Variants in MRPS9 observed in about 807,000 individuals in gnomAD.
MRPS9 encodes the protein mitochondrial ribosomal protein S9, also known as small ribosomal subunit protein uS9m.
Under a neutral mutation model 59.9 loss-of-function variants are expected in MRPS9, and 45 were observed. That is an observed-to-expected ratio of 0.75 (90% CI 0.59 to 0.96). MRPS9 has a LOEUF of 0.96. Ranked by LOEUF, MRPS9 falls within the 40% of genes least tolerant of loss-of-function variation. MRPS9 has a pLI of 0.00. For synonymous variants in MRPS9, 171 were observed against 166.8 expected (o/e 1.03, Z -0.19); for missense variants, 473 against 481.1 (o/e 0.98, Z 0.16).
intron 2 of MRPS9, among the ~76,000 whole-genome samples, chr2:105,062,442 C>T (rs79588096): frequency 0.052 from 7,959 of 152,240 alleles, 386 homozygotes; most frequent in East Asian, 0.27. Context: ...TACTGAAACA[C>T]TGCTTCCAGC....
In MRPS9 at chr2:105,038,194, G is replaced by A; in HGVS notation, c.102G>A (p.Ala34=). The A allele has an allele frequency of 6.2e-7, 1 of 1,613,072 alleles. No homozygotes were observed. The highest frequency in any genetic ancestry group is 2.2e-5 in the East Asian group (1 of 44,852). The part of the protein sequence containing the change: ...LARKQGLWKT[A]APELQTNVRS... ...GGAAGCAAGGCCTCTGGAAAACCGC[G>A]GCCCCTGAGTTGCAAACAAATGTCA... is the stretch of plus-strand genomic sequence containing the variant. The change falls in exon 1 of 11, where the codon GCG becomes GCA. Residue 34 remains alanine, a synonymous_variant. Coordinates refer to ENST00000258455, the MANE Select transcript of MRPS9 (RefSeq NM_182640.3).
chr2:105,045,155 T>C (rs563748005), intron 1 of MRPS9, among the ~76,000 whole-genome samples: 7 of 152,266 alleles, frequency 4.6e-5, no homozygotes, highest in Admixed American at 3.9e-4. Context: ...GAAGAACAGA[T>C]AATTGCTGTG....
chr2:105,079,731 C>T (rs989182795), intron 4 of MRPS9, among the ~76,000 whole-genome samples: 2 of 151,924 alleles, frequency 1.3e-5, no homozygotes, highest in Non-Finnish European at 2.9e-5. Flanking sequence ...CAGAAATTCT[C>T]ATAGTGAAAT....
intron 2 of MRPS9, 119 bp from the exon 3 acceptor site, chr2:105,071,194 A>T: frequency 1.4e-6 from 1 of 730,504 alleles, no homozygotes; most frequent in East Asian, 2.7e-5. Flanking sequence ...ACATTTATGA[A>T]GTAAGATAAT....
intron 2 of MRPS9, among the ~76,000 whole-genome samples, chr2:105,052,331 A>G (rs530565519): frequency 6.6e-6 from 1 of 152,176 alleles, no homozygotes; most frequent in African/African-American, 2.4e-5. Flanking sequence ...TGTTGTGGTT[A>G]GTGTTTTTGT....
At chr2:105,058,138 AATGAACAGAGTCGTTAGGACAGGC>A (rs1232487224) in intron 2 of MRPS9, among the ~76,000 whole-genome samples, 2 of 152,208 alleles carry the variant, frequency 1.3e-5, no homozygotes, top group African/African-American at 4.8e-5. Flanking sequence ...GCTCACTTCT[AATGAACAGAGTCGTTAGGACAGGC>A]ATGTCTAAGT....
chr2:105,075,372 T>C (rs1303281422), intron 4 of MRPS9, among the ~76,000 whole-genome samples: 1 of 151,972 alleles, frequency 6.6e-6, no homozygotes. Context: ...GGTACCTGTC[T>C]GTGGCCCAGG....
At position 105,096,919 on chromosome 2, in the gene MRPS9, G is replaced by A. The variant is rs1479650065; in HGVS notation, c.930-236G>A. ...GATAAAGGGGATCAGCAAACAGTAA[G>A]AGTGTGTTGCTATACCCAAGCAAAA... is the stretch of plus-strand genomic sequence containing the variant. On this transcript the variant is annotated intron_variant, in intron 9 of 10. Transcript: ENST00000258455. 3 of 310,446 alleles carry A rather than the reference G, an allele frequency of 9.7e-6. No individual in the cohort carries two copies. In the East Asian group the frequency reaches 1.7e-4, roughly 17 times the overall value. 19.2% of individuals were successfully genotyped at this position (310,446 alleles called of 1,614,324 possible). A position where few individuals can be genotyped will look rare whatever the true frequency, so the allele number is the denominator to read the frequency against.
intron 2 of MRPS9, among the ~76,000 whole-genome samples, chr2:105,059,123 G>T (rs1316805025): frequency 1.0e-4 from 15 of 143,518 alleles, no homozygotes; most frequent in Non-Finnish European, 1.5e-4. Flanking sequence ...AATTATATGT[G>T]TAACAATTTC....
At chr2:105,051,238 G>T (rs1679705769) in intron 2 of MRPS9, among the ~76,000 whole-genome samples, 1 of 152,152 alleles carries the variant, frequency 6.6e-6, no homozygotes, top group Non-Finnish European at 1.5e-5. Flanking sequence ...GTGAGGCAGG[G>T]ATGTAGCTTT....
chr2:105,053,136 T>A (rs1017979301), intron 2 of MRPS9, among the ~76,000 whole-genome samples: 1 of 152,188 alleles, frequency 6.6e-6, no homozygotes, highest in African/African-American at 2.4e-5. Flanking sequence ...ATTCAACAAT[T>A]TTGTAATTTT....
intron 1 of MRPS9, among the ~76,000 whole-genome samples, chr2:105,043,636 A>G (rs1388792970): frequency 6.6e-6 from 1 of 150,574 alleles, no homozygotes; most frequent in Admixed American, 6.6e-5. Context: ...ATTTATTTTT[A>G]TGTTTTATTT....
At chr2:105,097,800 G>A (rs1401446408) in intron 10 of MRPS9, among the ~76,000 whole-genome samples, 3 of 152,082 alleles carry the variant, frequency 2.0e-5, no homozygotes, top group South Asian at 2.1e-4. Context: ...TTCTGGGCTC[G>A]AGCAATCCTC....
intron 1 of MRPS9, 66 bp from the exon 2 acceptor site, chr2:105,049,105 G>A: frequency 9.2e-7 from 1 of 1,091,072 alleles, no homozygotes; most frequent in Non-Finnish European, 1.3e-6. Flanking sequence ...TTTTATTTAA[G>A]GACAATGGCC....
At position 105,038,131 on chromosome 2, in the gene MRPS9, G is replaced by C. The variant is rs2104433613; in HGVS notation, c.39G>C (p.Ser13=). 6.2e-7 allele frequency: 1 copy of C among 1,613,910 alleles called. No individual in the cohort carries two copies. Among genetic ancestry groups the C allele is most frequent in the South Asian group, 1.1e-5 (1 of 91,024 alleles). Residue 13 remains serine (S), a synonymous_variant, in exon 1 of 11, where the codon TCG becomes TCC. Transcript: ENST00000258455. ...GTGTGTCCTACGGCGGAGCAGTTTC[G>C]TACCGGCTTCTTCTCTGGGGTAGGG... ...APCVSYGGAV[S]YRLLLWGRGS...
At chr2:105,071,113 T>C (rs950926577) in intron 2 of MRPS9, among the ~76,000 whole-genome samples, 200 bp from the exon 3 acceptor site, 1 of 152,358 alleles carries the variant, frequency 6.6e-6, no homozygotes, top group Non-Finnish European at 1.5e-5. Flanking sequence ...TTGAAAATTG[T>C]CAATAACCAG....
intron 9 of MRPS9, among the ~76,000 whole-genome samples, chr2:105,095,134 T>G (rs1053648808): frequency 6.6e-6 from 1 of 152,156 alleles, no homozygotes; most frequent in African/African-American, 2.4e-5. Context: ...CTTCAGGAAC[T>G]TACAAATCAG....
chr2:105,038,079 C>T lies in MRPS9; in HGVS notation c.-14C>T. ...CCCCCTCACCCCTCCGGTCCTGGAG[C>T]TCCCACAGCTAACATGGCGGCGCCC... On this transcript the variant is annotated 5_prime_UTR_variant, in exon 1 of 11. Transcript: ENST00000258455. 4 of 1,613,108 alleles carry T rather than the reference C, an allele frequency of 2.5e-6. No individual in the cohort carries two copies. The highest frequency in any genetic ancestry group is 3.6e-4 in the Middle Eastern group (2 of 5,604).
Position 105,070,683 on chromosome 2 carries a change from T to A in MRPS9, c.316-630T>A, listed in dbSNP as rs561462795. Among the ~76,000 whole-genome samples, 6 of 151,586 alleles carry A rather than the reference T, an allele frequency of 4.0e-5. No individual in the cohort carries two copies. The South Asian group carries it at 1.3e-3, about 32-fold the overall frequency. ...AGGGGCATTTGGAAAGGTGTGGGGG[T>A]GAGATTTGTCATGAGCACTGGTTAT... On this transcript the variant is annotated intron_variant, in intron 2 of 10. Coordinates refer to ENST00000258455, the MANE Select transcript of MRPS9 (RefSeq NM_182640.3).
Sources: gnomAD v4.1 joint callset for allele counts (sites outside exome capture counted in the v4.1 genomes callset) on GRCh38, gnomAD v4.1.1 for gene constraint, MANE v1.5 for transcripts, NCBI Gene and HGNC (gene_info 2026-07-23, HGNC 2026-07-21) for gene names.